HUWE1: variants seen among roughly 807,000 people sequenced by gnomAD.
HUWE1 encodes HECT, UBA and WWE domain containing E3 ubiquitin protein ligase 1.
A neutral mutation model predicts 299.4 loss-of-function variants in HUWE1; 18 were observed. The ratio of observed to expected loss-of-function variants is 0.06; its 90% CI spans 0.04 to 0.09. HUWE1 has a LOEUF of 0.09. Among genes scored for constraint, HUWE1 ranks in the 10% least tolerant of loss-of-function variants. HUWE1 has a pLI of 1.00. For synonymous variants in HUWE1, 1,317 were observed against 1,286.1 expected, an observed-to-expected ratio of 1.02 and a Z score of -0.51; for missense variants, 1,832 against 3,462.3, an observed-to-expected ratio of 0.53 and a Z score of 11.82.
intron 78 of HUWE1, 120 bp from the exon 79 acceptor site, chrX:53,536,787 T>A: frequency 1.5e-6 from 1 of 646,234 alleles, no homozygotes; most frequent in Non-Finnish European, 2.4e-6. Context: ...GATGAAGAGG[T>A]AAACAGAGAG....
At chrX:53,536,092 G>T (rs1486487733) in intron 80 of HUWE1, 55 bp downstream of exon 80, 1 of 779,912 alleles carries the variant, frequency 1.3e-6, no homozygotes, top group Admixed American at 2.2e-5. Context: ...GGTGAACCTG[G>T]AATGGATCTT....
chrX:53,640,442 A>T (rs1281240104), intron 7 of HUWE1, among the ~76,000 whole-genome samples: 1 of 112,397 alleles, frequency 8.9e-6, no homozygotes, highest in Non-Finnish European at 1.9e-5. Context: ...GAGAAACATG[A>T]AATTTTTAAA....
rs1006599925 is a variant in HUWE1 at position 53,670,719 on chromosome X, C to T, written c.-25+9330G>A. Among the ~76,000 whole-genome samples, 32 of 111,600 alleles carry T rather than the reference C, an allele frequency of 2.9e-4. 1 individual carries two copies. Among genetic ancestry groups the T allele is most frequent in the Non-Finnish European group, 1.5e-4 (8 of 53,059 alleles). On this transcript the variant is annotated intron_variant, in intron 3 of 83. Coordinates refer to ENST00000262854, the MANE Select transcript of HUWE1 (RefSeq NM_031407.7). ...AGATATTTAAAGAAATGTAAGAAGC[C>T]GGGGCCTGGACTCCAGATTGGGTTA...
intron 11 of HUWE1, 43 bp downstream of exon 11, chrX:53,631,371 G>C (rs2066865495): frequency 1.0e-6 from 1 of 991,259 alleles, no homozygotes; most frequent in Non-Finnish European, 1.4e-6. Context: ...AATCTATTTA[G>C]ATAACAACCA....
Position 53,591,304 on chromosome X carries a change from C to T in HUWE1, c.3973-182G>A, listed in dbSNP as rs782258797. Reference sequence around the variant, plus strand: ...TTCTGTTTGGTGCTTCTATAGCATTCTAAGCTACACATTGGGTAAGGAGCC... The same window carrying T: ...TTCTGTTTGGTGCTTCTATAGCATTTTAAGCTACACATTGGGTAAGGAGCC... On this transcript the variant is annotated intron_variant, in intron 33 of 83. Coordinates refer to ENST00000262854, the MANE Select transcript of HUWE1 (RefSeq NM_031407.7). Among the ~76,000 whole-genome samples, 6 of 111,965 alleles carry T rather than the reference C, an allele frequency of 5.4e-5. No individual in the cohort carries two copies. The South Asian group carries it at 1.5e-3, about 28-fold the overall frequency.
intron 82 of HUWE1, 125 bp from the exon 83 acceptor site, chrX:53,534,322 C>A: frequency 1.1e-5 from 8 of 701,187 alleles, no homozygotes; most frequent in Non-Finnish European, 1.8e-5. Context: ...GTGGGATGAG[C>A]TTTAGCTCCT....
intron 3 of HUWE1, among the ~76,000 whole-genome samples, chrX:53,659,564 G>A (rs1220882093): frequency 9.8e-5 from 11 of 111,897 alleles, no homozygotes; most frequent in African/African-American, 3.3e-4. Flanking sequence ...AAGAGGTGGA[G>A]CGCAGAGGAT....
At chrX:53,651,347 G>GT (rs1457500847) in intron 4 of HUWE1, among the ~76,000 whole-genome samples, 3 of 107,847 alleles carry the variant, frequency 2.8e-5, no homozygotes, top group Non-Finnish European at 5.8e-5. Flanking sequence ...AATACTTAAC[G>GT]TGAGATCTAC....
At chrX:53,645,079 T>C (rs1264760782) in intron 7 of HUWE1, among the ~76,000 whole-genome samples, 1 of 112,379 alleles carries the variant, frequency 8.9e-6, no homozygotes, top group Admixed American at 9.4e-5. Flanking sequence ...AAATTGCCAC[T>C]TTTGAACAGA....
intron 3 of HUWE1, among the ~76,000 whole-genome samples, chrX:53,656,542 C>CAAAAAAAAA (rs1275218246): frequency 7.3e-5 from 1 of 13,742 alleles, no homozygotes; most frequent in African/African-American, 2.2e-4. Flanking sequence ...ACTCCAGTCT[C>CAAAAAAAAA]AAAAAAAAAA....
At chrX:53,654,034 A>T in intron 4 of HUWE1, 29 bp downstream of exon 4, 1 of 1,101,604 alleles carries the variant, frequency 9.1e-7, no homozygotes, top group Non-Finnish European at 1.3e-6. Flanking sequence ...TGAAGAAAAA[A>T]TAAGCAAAGT....
At position 53,573,861 on chromosome X, in the gene HUWE1, A is replaced by G. The variant is rs2062956918; in HGVS notation, c.6201T>C (p.Pro2067=). 8.3e-7 allele frequency: 1 copy of G among 1,208,408 alleles called. No individual in the cohort carries two copies. The highest frequency in any genetic ancestry group is 1.1e-6 in the Non-Finnish European group (1 of 893,438). Residue 2067 remains proline (P), a synonymous_variant, in exon 47 of 84, where the codon CCT becomes CCC. Coordinates refer to ENST00000262854, the MANE Select transcript of HUWE1 (RefSeq NM_031407.7). ...QKGKGSKPLM[P]TSTILRLLAE... ...CCAGAAGACGAAGGATAGTGGAGGT[A>G]GGCATTAAAGGTTTGCTGCCCTTGC...
chrX:53,538,829 C>T lies in HUWE1; in HGVS notation c.11878+6G>A, dbSNP rs1556915784. 1.7e-6 allele frequency: 2 copies of T among 1,203,303 alleles called. No homozygotes were observed. The highest frequency in any genetic ancestry group is 2.2e-6 in the Non-Finnish European group (2 of 891,041). On this transcript the variant is annotated splice_donor_region_variant and intron_variant, in intron 76 of 83. Transcript: ENST00000262854. ...CTACACCTGGCAGCCTAAAAGTTCC[C>T]TGTACCTGCAAAGCGAAGGAACTTC...
intron 83 of HUWE1, 156 bp from the exon 84 acceptor site, chrX:53,533,567 T>A (rs2060860364): frequency 2.0e-6 from 1 of 493,044 alleles, no homozygotes; most frequent in Non-Finnish European, 3.6e-6. Flanking sequence ...ATGTCCCCCT[T>A]TATCTGGCTC....
At chrX:53,617,182 A>G in intron 20 of HUWE1, 35 bp from the exon 21 acceptor site, 1 of 1,168,338 alleles carries the variant, frequency 8.6e-7, no homozygotes, top group Non-Finnish European at 1.2e-6. Context: ...GAATGCATCT[A>G]AAAGAGTGTA....
intron 22 of HUWE1, among the ~76,000 whole-genome samples, chrX:53,615,203 A>G (rs2065728682): frequency 9.0e-6 from 1 of 110,518 alleles, no homozygotes; most frequent in East Asian, 2.8e-4. Flanking sequence ...TATACAGGTT[A>G]CATTAAATGG....
At chrX:53,579,032 G>C (rs1220462451) in intron 43 of HUWE1, among the ~76,000 whole-genome samples, 58 of 76,171 alleles carry the variant, frequency 7.6e-4, no homozygotes, top group Non-Finnish European at 1.3e-3. Context: ...AGGGAGGCGG[G>C]GGGGGGGGTC....
intron 70 of HUWE1, among the ~76,000 whole-genome samples, chrX:53,545,698 C>T (rs1556922126): frequency 1.8e-5 from 2 of 111,526 alleles, no homozygotes; most frequent in Non-Finnish European, 3.8e-5. Flanking sequence ...TCTGGAAGAA[C>T]GTTGTAATTT....
chrX:53,650,220 C>T (rs1382442808), intron 4 of HUWE1, among the ~76,000 whole-genome samples: 1 of 112,198 alleles, frequency 8.9e-6, no homozygotes. Flanking sequence ...TAAATGTGAC[C>T]AACCAATATG....
Sources: gnomAD v4.1 joint callset for allele counts (sites outside exome capture counted in the v4.1 genomes callset) on GRCh38, gnomAD v4.1.1 for gene constraint, MANE v1.5 for transcripts, NCBI Gene and HGNC (gene_info 2026-07-23, HGNC 2026-07-21) for gene names.